Variants in PLRG1 observed in about 807,000 individuals in gnomAD.
The protein encoded by PLRG1 is pleiotropic regulator 1 (PRL1 homolog, Arabidopsis).
Under a neutral mutation model 74.9 loss-of-function variants are expected in PLRG1, and 28 were observed. The observed-to-expected ratio is 0.37, with a 90% CI of 0.28 to 0.51. PLRG1 has a LOEUF of 0.51. Ranked by LOEUF, PLRG1 falls within the 20% of genes least tolerant of loss-of-function variation. The probability of loss-of-function intolerance (pLI) is 0.91; values close to 1 mark genes in which losing one functional copy is unlikely to be tolerated. For synonymous variants in PLRG1, 197 were observed against 212.4 expected (o/e 0.93, Z 0.63); for missense variants, 445 against 631.9 (o/e 0.70, Z 3.17).
At chr4:154,550,237 G>A in intron 1 of PLRG1, 63 bp downstream of exon 1, 1 of 1,420,090 alleles carries the variant, frequency 7.0e-7, no homozygotes. Flanking sequence ...AATCCCCCAC[G>A]CGCACTGCCA....
intron 8 of PLRG1, 128 bp downstream of exon 8, chr4:154,542,059 T>C (rs1272028162): frequency 3.1e-6 from 2 of 636,832 alleles, no homozygotes; most frequent in Non-Finnish European, 5.7e-6. Flanking sequence ...ATGATAAATT[T>C]TACTCCTTAT....
intron 12 of PLRG1, among the ~76,000 whole-genome samples, chr4:154,538,329 T>C (rs1298080571): frequency 6.6e-6 from 1 of 152,112 alleles, no homozygotes; most frequent in East Asian, 1.9e-4. Context: ...AGATTAATGT[T>C]TTGTTCTCCT....
chr4:154,547,988 A>C (rs547254220), intron 2 of PLRG1, 135 bp from the exon 3 acceptor site: 1 of 615,498 alleles, frequency 1.6e-6, no homozygotes, highest in Admixed American at 3.3e-5. Flanking sequence ...AAAAATTTCC[A>C]AGGGCATTTC....
At chr4:154,548,974 T>A (rs1234425823) in intron 1 of PLRG1, 39 bp from the exon 2 acceptor site, 3 of 1,145,118 alleles carry the variant, frequency 2.6e-6, no homozygotes. Flanking sequence ...TATCTACAAA[T>A]TACACAAATC....
At position 154,536,464 on chromosome 4, in the gene PLRG1, C is replaced by T; in HGVS notation, c.*221G>A. 1 of 461,812 alleles carries T rather than the reference C, an allele frequency of 2.2e-6. No individual in the cohort carries two copies. Among genetic ancestry groups the T allele is most frequent in the Non-Finnish European group, 3.8e-6 (1 of 264,074 alleles). The allele number at this position is 461,812 out of a possible 1,614,324, so 28.6% of individuals were successfully genotyped here. A position where few individuals can be genotyped will look rare whatever the true frequency, so the allele number is the denominator to read the frequency against. Reference sequence around the variant, plus strand: ...TAAACCTGCATTTACTTGATATCTGCATCTTCCTAGTATCACAAATTGTTT... The same window carrying T: ...TAAACCTGCATTTACTTGATATCTGTATCTTCCTAGTATCACAAATTGTTT... On this transcript the variant is annotated 3_prime_UTR_variant, in exon 15 of 15. Coordinates refer to ENST00000499023, the MANE Select transcript of PLRG1 (RefSeq NM_002669.4).
intron 10 of PLRG1, 44 bp from the exon 11 acceptor site, chr4:154,540,097 C>T: frequency 9.9e-7 from 1 of 1,008,914 alleles, no homozygotes; most frequent in East Asian, 2.4e-5. Flanking sequence ...AATAGGTATT[C>T]ATTATCTCAA....
Position 154,538,085 on chromosome 4 carries a change from G to A in PLRG1, c.1175C>T (p.Pro392Leu). 2 of 1,491,200 alleles carry A rather than the reference G, an allele frequency of 1.3e-6. No individual in the cohort carries two copies. Among genetic ancestry groups the A allele is most frequent in the South Asian group, 1.3e-5 (1 of 74,590 alleles). The allele number at this position is 1,491,200 out of a possible 1,614,324, so 92.4% of individuals were successfully genotyped here. A position where few individuals can be genotyped will look rare whatever the true frequency, so the allele number is the denominator to read the frequency against. The change falls in exon 13 of 15, where the codon CCA (proline) becomes CTA (leucine). Residue 392 changes from proline (P) to leucine (L), a missense_variant. Physicochemically the swap from Pro to Leu is moderately conservative, Grantham distance 98. Transcript: ENST00000499023. Reference protein sequence around the residue: ...PRHYTFASGSPDNIKQWKFPD... With the variant: ...PRHYTFASGSLDNIKQWKFPD... Reference sequence around the variant, plus strand: ...GAATTTCCACTGCTTTATGTTATCTGGAGAACCAGATGCAAATGTGTAACT... The same window carrying A: ...GAATTTCCACTGCTTTATGTTATCTAGAGAACCAGATGCAAATGTGTAACT...
intron 12 of PLRG1, 185 bp downstream of exon 12, chr4:154,538,920 T>C: frequency 1.9e-6 from 1 of 522,262 alleles, no homozygotes; most frequent in South Asian, 3.2e-5. Context: ...TTTCCTCATG[T>C]TTTATAGGGC....
intron 10 of PLRG1, chr4:154,540,359 G>A (rs1037671661): frequency 1.4e-5 from 8 of 583,816 alleles, no homozygotes; most frequent in Admixed American, 9.6e-5. Flanking sequence ...AGAATGGAAC[G>A]TGAGAATATC....
At chr4:154,537,743 C>A (rs920887471) in intron 13 of PLRG1, among the ~76,000 whole-genome samples, 1 of 152,014 alleles carries the variant, frequency 6.6e-6, no homozygotes, top group Non-Finnish European at 1.5e-5. Flanking sequence ...CAGCATAAAT[C>A]CCTGAGATTC....
At chr4:154,549,561 C>A in intron 1 of PLRG1, 1 of 402,818 alleles carries the variant, frequency 2.5e-6, no homozygotes, top group South Asian at 1.8e-5. Context: ...AGACAAGGTC[C>A]AGATTAGGTA....
At chr4:154,546,243 G>A (rs777565122) in intron 4 of PLRG1, 30 bp from the exon 5 acceptor site, 1 of 1,147,614 alleles carries the variant, frequency 8.7e-7, no homozygotes, top group East Asian at 2.3e-5. Context: ...ACTTCTTTTA[G>A]TAGCTGTGTA....
rs1292116083 is a variant in PLRG1 at position 154,542,285 on chromosome 4, T to C, written c.595-6A>G. The C allele has an allele frequency of 1.9e-6, 3 of 1,592,252 alleles. No individual in the cohort carries two copies. Among genetic ancestry groups the C allele is most frequent in the Non-Finnish European group, 2.6e-6 (3 of 1,160,344 alleles). ...CCAAGATGCCCACTGATAACCTGTA[T>C]AAAACAAAGTAGAATGGGCAGGCCA... On this transcript the variant is annotated splice_region_variant and splice_polypyrimidine_tract_variant and intron_variant, in intron 7 of 14. Transcript: ENST00000499023.
In PLRG1 at chr4:154,548,912, G is replaced by A. The variant is rs1004323138; in HGVS notation, c.33C>T (p.His11=). Residue 11 remains histidine, a synonymous_variant, in exon 2 of 15, where the codon CAC becomes CAT. Coordinates refer to ENST00000499023, the MANE Select transcript of PLRG1 (RefSeq NM_002669.4). MVEEVQKHSV[H]TLVFRSLKRT... ...TCTTCAACGACCTGAACACAAGGGT[G>A]TGTACAGAATGTTTCTGTACCTCCT... 100 of 1,603,582 alleles carry A rather than the reference G, an allele frequency of 6.2e-5. 1 individual carries two copies. The Admixed American group carries it at 1.6e-3, about 26-fold the overall frequency.
chr4:154,548,982 A>G, intron 1 of PLRG1, 47 bp from the exon 2 acceptor site: 1 of 1,070,786 alleles, frequency 9.3e-7, no homozygotes. Context: ...AATTACACAA[A>G]TCATAACCTA....
chr4:154,542,749 G>A (rs1729577052), intron 7 of PLRG1, among the ~76,000 whole-genome samples: 1 of 152,210 alleles, frequency 6.6e-6, no homozygotes, highest in African/African-American at 2.4e-5. Flanking sequence ...GATGGAACTG[G>A]AAGATACTAT....
chr4:154,542,358 A>C (rs374273852), intron 7 of PLRG1, 79 bp from the exon 8 acceptor site: 16 of 789,322 alleles, frequency 2.0e-5, no homozygotes, highest in African/African-American at 1.2e-4. Flanking sequence ...CCGAGTTTGA[A>C]TTGCCCTCCC....
Position 154,546,108 on chromosome 4 carries a change from TATA to T in PLRG1, c.404+12_404+14del, listed in dbSNP as rs1207836913. ...AATATGCTTTTAAGATCTTTGTAAT[TATA>T]ATATTTCATACTTGGTCTGCAAAGG... On this transcript the variant is annotated intron_variant, in intron 5 of 14. Coordinates refer to ENST00000499023, the MANE Select transcript of PLRG1 (RefSeq NM_002669.4). 2.1e-6 allele frequency: 3 copies of T among 1,439,540 alleles called. No individual in the cohort carries two copies. Among genetic ancestry groups the T allele is most frequent in the African/African-American group, 2.8e-5 (2 of 70,800 alleles). 89.2% of individuals were successfully genotyped at this position (1,439,540 alleles called of 1,614,324 possible). A position where few individuals can be genotyped will look rare whatever the true frequency, so the allele number is the denominator to read the frequency against.
intron 11 of PLRG1, 25 bp from the exon 12 acceptor site, chr4:154,539,238 T>G: frequency 7.8e-7 from 1 of 1,285,604 alleles, no homozygotes. Flanking sequence ...CATATATCCC[T>G]CAAAACATAG....
Sources: allele counts gnomAD v4.1 joint callset (sites outside exome capture counted in the v4.1 genomes callset), GRCh38; gene constraint gnomAD v4.1.1; transcripts MANE v1.5; gene names NCBI Gene and HGNC (gene_info 2026-07-23, HGNC 2026-07-21).